Variants in PIK3C3 observed in about 807,000 individuals in gnomAD.
PIK3C3 encodes PI3-kinase type 3.
Under a neutral mutation model 126.1 loss-of-function variants are expected in PIK3C3, and 95 were observed. The observed-to-expected ratio is 0.75, with a 90% CI of 0.64 to 0.89. The LOEUF (loss-of-function observed/expected upper bound fraction) is 0.89. Ranked by LOEUF, PIK3C3 falls within the 40% of genes least tolerant of loss-of-function variation. The pLI is 0.00. For synonymous variants in PIK3C3, 374 were observed against 360.0 expected, an observed-to-expected ratio of 1.04 and a Z score of -0.44; for missense variants, 829 against 1,063.2, an observed-to-expected ratio of 0.78 and a Z score of 3.06.
chr18:42,081,059 ATTGTTT>A, intron 24 of PIK3C3, 58 bp from the exon 25 acceptor site: 1 of 952,230 alleles, frequency 1.1e-6, no homozygotes, highest in Non-Finnish European at 1.6e-6. Context: ...ACTATAGACT[ATTGTTT>A]ATCTTTGTGA....
At chr18:42,061,304 C>T (rs1048146701) in intron 22 of PIK3C3, among the ~76,000 whole-genome samples, 5 of 151,944 alleles carry the variant, frequency 3.3e-5, no homozygotes, top group South Asian at 2.1e-4. Context: ...GTTTGTTGGC[C>T]GGGCAGGGTG....
intron 24 of PIK3C3, among the ~76,000 whole-genome samples, chr18:42,078,053 G>C (rs1462279446): frequency 6.6e-6 from 1 of 152,028 alleles, no homozygotes; most frequent in African/African-American, 2.4e-5. Context: ...CTTTTTTTCT[G>C]AGCAGTAGGC....
At chr18:41,955,427 G>A (rs774086125) in intron 1 of PIK3C3, 68 bp downstream of exon 1, 10 of 1,325,308 alleles carry the variant, frequency 7.5e-6, no homozygotes, top group Non-Finnish European at 1.1e-5. Flanking sequence ...GGGGCCTGTT[G>A]GGAGTGAGAG....
At chr18:42,010,308 C>T (rs570518924) in intron 10 of PIK3C3, among the ~76,000 whole-genome samples, 1 of 152,114 alleles carries the variant, frequency 6.6e-6, no homozygotes, top group Non-Finnish European at 1.5e-5. Flanking sequence ...CAGGCTGCAC[C>T]TCTAATTCTA....
chr18:42,047,739 T>C (rs1984620873), intron 20 of PIK3C3, among the ~76,000 whole-genome samples: 2 of 152,222 alleles, frequency 1.3e-5, no homozygotes, highest in Non-Finnish European at 2.9e-5. Flanking sequence ...TAAAATGGAA[T>C]TGTGGCTGCT....
At chr18:42,004,280 G>A in intron 9 of PIK3C3, 76 bp from the exon 10 acceptor site, 2 of 1,108,946 alleles carry the variant, frequency 1.8e-6, no homozygotes, top group South Asian at 2.8e-5. Context: ...TTAGGACCTA[G>A]TGGAACTCTG....
At chr18:42,003,476 T>A (rs1025523132) in intron 9 of PIK3C3, among the ~76,000 whole-genome samples, 24 of 152,196 alleles carry the variant, frequency 1.6e-4, no homozygotes, top group African/African-American at 5.5e-4. Context: ...GAGTTCTTGC[T>A]GTGTTGCTCA....
intron 12 of PIK3C3, among the ~76,000 whole-genome samples, chr18:42,019,380 C>T (rs925062482): frequency 2.6e-5 from 4 of 152,030 alleles, no homozygotes; most frequent in African/African-American, 9.7e-5. Flanking sequence ...GCCTTTAGTC[C>T]ATATCATTCT....
intron 12 of PIK3C3, among the ~76,000 whole-genome samples, chr18:42,015,803 A>G (rs991323827): frequency 1.3e-5 from 2 of 152,214 alleles, no homozygotes; most frequent in Non-Finnish European, 2.9e-5. Flanking sequence ...ATGCAATATG[A>G]AAATAAACTA....
intron 7 of PIK3C3, among the ~76,000 whole-genome samples, chr18:41,994,955 T>C (rs1192826155): frequency 1.3e-5 from 2 of 152,040 alleles, no homozygotes; most frequent in African/African-American, 4.8e-5. Flanking sequence ...GGAGGATTGC[T>C]TGAACTCAGG....
intron 13 of PIK3C3, 67 bp downstream of exon 13, chr18:42,020,772 A>G: frequency 2.3e-6 from 2 of 861,156 alleles, no homozygotes; most frequent in South Asian, 3.1e-5. Flanking sequence ...TCATGCTATA[A>G]ACACAAAGAT....
chr18:42,034,895 T>C (rs1983980880), intron 16 of PIK3C3, among the ~76,000 whole-genome samples: 1 of 152,202 alleles, frequency 6.6e-6, no homozygotes, highest in South Asian at 2.1e-4. Context: ...AAAAAGTGTG[T>C]TTCAAGGCAA....
chr18:41,992,834 T>C (rs1981843774), intron 6 of PIK3C3, among the ~76,000 whole-genome samples: 1 of 152,158 alleles, frequency 6.6e-6, no homozygotes, highest in Admixed American at 6.6e-5. Flanking sequence ...TCCATTATGA[T>C]ACCTTGAAAA....
At chr18:42,060,275 TA>T in intron 22 of PIK3C3, among the ~76,000 whole-genome samples, 1 of 152,304 alleles carries the variant, frequency 6.6e-6, no homozygotes, top group East Asian at 1.9e-4. Flanking sequence ...ATCCACTGAA[TA>T]ACATTGTACC....
At chr18:41,996,759 A>G in intron 9 of PIK3C3, 29 bp downstream of exon 9, 1 of 1,041,848 alleles carries the variant, frequency 9.6e-7, no homozygotes, top group Non-Finnish European at 1.4e-6. Flanking sequence ...TTCATATATC[A>G]AATTTATCTA....
chr18:42,071,496 A>C (rs141032255), intron 24 of PIK3C3, among the ~76,000 whole-genome samples: 138 of 152,240 alleles, frequency 9.1e-4, no homozygotes, highest in African/African-American at 3.2e-3. Flanking sequence ...AAGGCAGGCG[A>C]ATCACATGAG....
intron 15 of PIK3C3, among the ~76,000 whole-genome samples, chr18:42,029,647 A>G (rs529065706): frequency 8.3e-5 from 12 of 145,204 alleles, no homozygotes; most frequent in African/African-American, 2.1e-4. Flanking sequence ...GGTTCAATCA[A>G]TTCTCATGCC....
intron 10 of PIK3C3, among the ~76,000 whole-genome samples, chr18:42,004,942 C>T (rs1325679720): frequency 6.6e-6 from 1 of 152,108 alleles, no homozygotes; most frequent in Non-Finnish European, 1.5e-5. Context: ...CTTGAAAAGC[C>T]CTTGGGGCCT....
chr18:42,034,952 A>G (rs987905045), intron 16 of PIK3C3, among the ~76,000 whole-genome samples: 2 of 152,360 alleles, frequency 1.3e-5, no homozygotes, highest in African/African-American at 4.8e-5. Context: ...TGACTAAAAC[A>G]TAAGTTTCAT....
Sources: allele counts gnomAD v4.1 joint callset (sites outside exome capture counted in the v4.1 genomes callset), GRCh38; gene constraint gnomAD v4.1.1; transcripts MANE v1.5; gene names NCBI Gene and HGNC (gene_info 2026-07-23, HGNC 2026-07-21).